The following DTD1 variants were observed in gnomAD, a reference collection of about 807,000 sequenced individuals.
DTD1 encodes the protein D-aminoacyl-tRNA deacylase 1, also known as D-tyrosyl-tRNA deacylase 1 homolog.
Under a neutral mutation model 25.6 loss-of-function variants are expected in DTD1, and 13 were observed. The ratio of observed to expected loss-of-function variants is 0.51; its 90% CI spans 0.33 to 0.81. The LOEUF is 0.81. Among genes scored for constraint, DTD1 ranks in the 30% least tolerant of loss-of-function variants. DTD1 has a pLI of 0.02. For synonymous variants in DTD1, 110 were observed against 103.6 expected, an observed-to-expected ratio of 1.06 and a Z score of -0.37; for missense variants, 193 against 266.4, an observed-to-expected ratio of 0.72 and a Z score of 1.92.
At chr20:18,623,451 G>T (rs993724546) in intron 3 of DTD1, among the ~76,000 whole-genome samples, 3 of 151,376 alleles carry the variant, frequency 2.0e-5, no homozygotes, top group Admixed American at 6.6e-5. Flanking sequence ...TTCTTTTCCT[G>T]GTTTCTTATT....
chr20:18,598,938 A>G (rs192092809), intron 3 of DTD1, among the ~76,000 whole-genome samples: 148 of 152,168 alleles, frequency 9.7e-4, no homozygotes, highest in African/African-American at 3.5e-3. Context: ...AGAATGTCAT[A>G]TATTTGGAAT....
intron 4 of DTD1, among the ~76,000 whole-genome samples, chr20:18,695,942 C>T (rs529609126): frequency 1.4e-4 from 22 of 152,130 alleles, no homozygotes; most frequent in African/African-American, 4.3e-4. Flanking sequence ...CCCCTCAAAG[C>T]GCTGGGATTA....
chr20:18,669,765 G>A (rs1326939054), intron 4 of DTD1, among the ~76,000 whole-genome samples: 4 of 152,120 alleles, frequency 2.6e-5, no homozygotes, highest in Admixed American at 6.5e-5. Flanking sequence ...CGCTCCCGGG[G>A]GGGTCTGCAT....
intron 2 of DTD1, among the ~76,000 whole-genome samples, 187 bp downstream of exon 2, chr20:18,594,008 C>T (rs910361630): frequency 1.3e-5 from 2 of 152,152 alleles, no homozygotes; most frequent in East Asian, 1.9e-4. Context: ...GAGACCTCAA[C>T]GCTAAGTCAG....
chr20:18,646,463 T>C (rs1309438783), intron 4 of DTD1, among the ~76,000 whole-genome samples: 1 of 152,162 alleles, frequency 6.6e-6, no homozygotes, highest in Non-Finnish European at 1.5e-5. Flanking sequence ...GTTTTGTCCT[T>C]TATTTTTCCT....
chr20:18,752,882 C>T (rs945104777), intron 5 of DTD1, among the ~76,000 whole-genome samples: 1 of 152,204 alleles, frequency 6.6e-6, no homozygotes, highest in African/African-American at 2.4e-5. Flanking sequence ...TGCTTCCTCA[C>T]TGATGCAGAG....
intron 4 of DTD1, among the ~76,000 whole-genome samples, chr20:18,708,211 T>C (rs371204979): frequency 6.9e-4 from 25 of 36,324 alleles, no homozygotes; most frequent in South Asian, 4.1e-3. Flanking sequence ...ATATATTTTA[T>C]ATATATAATA....
chr20:18,657,263 T>C (rs948208292), intron 4 of DTD1, among the ~76,000 whole-genome samples: 5 of 152,210 alleles, frequency 3.3e-5, no homozygotes, highest in African/African-American at 1.2e-4. Flanking sequence ...ACAGGTAACC[T>C]AGCACTGGGC....
chr20:18,622,855 T>G (rs2060740385), intron 3 of DTD1, among the ~76,000 whole-genome samples: 1 of 151,976 alleles, frequency 6.6e-6, no homozygotes, highest in African/African-American at 2.4e-5. Flanking sequence ...TTTCCCAATA[T>G]CCCGCAAGTT....
At chr20:18,601,498 C>CAAAAA (rs1175102426) in intron 3 of DTD1, among the ~76,000 whole-genome samples, 1 of 110,624 alleles carries the variant, frequency 9.0e-6, no homozygotes, top group Non-Finnish European at 1.8e-5. Context: ...GACTCTGTCT[C>CAAAAA]AAAAAAAAAA....
chr20:18,710,377 CT>C (rs11482232), intron 4 of DTD1, among the ~76,000 whole-genome samples: 8 of 149,694 alleles, frequency 5.3e-5, no homozygotes, highest in Admixed American at 1.3e-4. Flanking sequence ...ATATTCTGAT[CT>C]TTTTTTTTTA....
At chr20:18,673,061 T>C (rs992983961) in intron 4 of DTD1, among the ~76,000 whole-genome samples, 4 of 152,172 alleles carry the variant, frequency 2.6e-5, no homozygotes, top group African/African-American at 7.2e-5. Flanking sequence ...AATTAGTGAA[T>C]TGCAGAAAGA....
At chr20:18,588,151 C>T (rs990474673) in intron 1 of DTD1, 36 bp downstream of exon 1, 15 of 1,240,278 alleles carry the variant, frequency 1.2e-5, no homozygotes, top group Non-Finnish European at 1.5e-5. Flanking sequence ...GAGGAGCCGC[C>T]CCTGACCCCC....
At chr20:18,686,157 A>C (rs961099977) in intron 4 of DTD1, among the ~76,000 whole-genome samples, 1 of 152,240 alleles carries the variant, frequency 6.6e-6, no homozygotes, top group Non-Finnish European at 1.5e-5. Context: ...TATTTCTCCT[A>C]CGTTGAGATA....
intron 4 of DTD1, among the ~76,000 whole-genome samples, chr20:18,707,019 A>C (rs1263054466): frequency 6.6e-6 from 1 of 152,198 alleles, no homozygotes; most frequent in Non-Finnish European, 1.5e-5. Flanking sequence ...CGGCCTGAGC[A>C]GTGGTGTGGG....
chr20:18,756,444 G>A (rs191494447), intron 5 of DTD1, among the ~76,000 whole-genome samples: 15 of 152,248 alleles, frequency 9.9e-5, no homozygotes, highest in East Asian at 7.7e-4. Flanking sequence ...AATTAATTTT[G>A]TATAAGGTAT....
At chr20:18,591,224 T>C (rs1010648623) in intron 1 of DTD1, among the ~76,000 whole-genome samples, 1 of 152,232 alleles carries the variant, frequency 6.6e-6, no homozygotes, top group African/African-American at 2.4e-5. Flanking sequence ...CTCTGTGTCA[T>C]ATATAGACTT....
chr20:18,597,375 A>C (rs766145809), intron 3 of DTD1, among the ~76,000 whole-genome samples: 1 of 152,150 alleles, frequency 6.6e-6, no homozygotes, highest in Non-Finnish European at 1.5e-5. Context: ...ATTAAGATAT[A>C]ATACACATAC....
chr20:18,722,083 C>T (rs2061205943), intron 4 of DTD1, among the ~76,000 whole-genome samples: 1 of 152,240 alleles, frequency 6.6e-6, no homozygotes, highest in Non-Finnish European at 1.5e-5. Context: ...TCGAGGGTGG[C>T]TGGACTCCTC....
Sources: gnomAD v4.1 joint callset for allele counts (sites outside exome capture counted in the v4.1 genomes callset) on GRCh38, gnomAD v4.1.1 for gene constraint, MANE v1.5 for transcripts, NCBI Gene and HGNC (gene_info 2026-07-23, HGNC 2026-07-21) for gene names.